Variants in CADM2 observed in about 807,000 individuals in gnomAD.
CADM2 encodes the protein cell adhesion molecule 2.
Under a neutral mutation model 49.8 loss-of-function variants are expected in CADM2, and 12 were observed. That is an observed-to-expected ratio of 0.24 (90% CI 0.15 to 0.39). The LOEUF (loss-of-function observed/expected upper bound fraction) is 0.39, where lower values mean the gene tolerates loss of function less well. Ranked by LOEUF, CADM2 falls within the 10% of genes least tolerant of loss-of-function variation. The pLI, the probability that CADM2 is intolerant of heterozygous loss-of-function variation, is 1.00. For missense variants in CADM2, 378 were observed against 492.3 expected (o/e 0.77, Z 2.20); for synonymous variants, 214 against 175.4 (o/e 1.22, Z -1.74).
intron 1 of CADM2, among the ~76,000 whole-genome samples, chr3:85,620,496 T>C (rs933375108): frequency 2.0e-5 from 3 of 152,010 alleles, no homozygotes; most frequent in Non-Finnish European, 2.9e-5. Flanking sequence ...ATTTCCATTA[T>C]AAAATGGAAC....
chr3:85,497,799 A>G lies in CADM2; in HGVS notation c.62-228723A>G, dbSNP rs922420481. Among the ~76,000 whole-genome samples, 11 of 152,210 alleles carry G rather than the reference A, an allele frequency of 7.2e-5. No homozygotes were observed. The East Asian group carries it at 1.5e-3, about 21-fold the overall frequency. On this transcript the variant is annotated intron_variant, in intron 1 of 9. Coordinates refer to ENST00000383699, the MANE Select transcript of CADM2 (RefSeq NM_001167675.2). ...CCAAGATAATTGGCCTTCAAATGTCATCTTTTCTAAAGCTATCTATCTGTC... is the reference window on the plus strand; with the variant it reads ...CCAAGATAATTGGCCTTCAAATGTCGTCTTTTCTAAAGCTATCTATCTGTC...
intron 1 of CADM2, among the ~76,000 whole-genome samples, chr3:85,504,778 G>A (rs2040256943): frequency 6.6e-6 from 1 of 152,194 alleles, no homozygotes; most frequent in Non-Finnish European, 1.5e-5. Flanking sequence ...GGAGGGGGTG[G>A]GAGGCTCAGG....
intron 1 of CADM2, among the ~76,000 whole-genome samples, chr3:85,337,129 C>A (rs1337937076): frequency 2.7e-5 from 4 of 148,150 alleles, no homozygotes; most frequent in Admixed American, 1.4e-4. Flanking sequence ...CATCCCCAAC[C>A]TTATGCTGGC....
intron 1 of CADM2, among the ~76,000 whole-genome samples, chr3:85,481,756 G>T (rs901711513): frequency 1.3e-5 from 2 of 150,880 alleles, no homozygotes; most frequent in Non-Finnish European, 3.0e-5. Context: ...GTCAGCACAA[G>T]ATACCAATCA....
chr3:85,593,884 C>G (rs1167052286), intron 1 of CADM2, among the ~76,000 whole-genome samples: 1 of 151,624 alleles, frequency 6.6e-6, no homozygotes, highest in African/African-American at 2.4e-5. Context: ...GATGGAGGCA[C>G]AACTGCAGAA....
intron 1 of CADM2, among the ~76,000 whole-genome samples, chr3:85,662,924 A>G (rs925359195): frequency 6.6e-6 from 1 of 152,070 alleles, no homozygotes; most frequent in African/African-American, 2.4e-5. Context: ...CAAAATTTTA[A>G]TAGTTGCCTA....
At chr3:85,921,483 A>T (rs2108504408) in intron 6 of CADM2, among the ~76,000 whole-genome samples, 1 of 152,090 alleles carries the variant, frequency 6.6e-6, no homozygotes, top group Non-Finnish European at 1.5e-5. Context: ...GTGTTTTTTT[A>T]AATAATATAC....
At chr3:85,702,376 C>G (rs1039161732) in intron 1 of CADM2, among the ~76,000 whole-genome samples, 1 of 151,996 alleles carries the variant, frequency 6.6e-6, no homozygotes, top group Non-Finnish European at 1.5e-5. Flanking sequence ...TTCAGCTCCT[C>G]TCTGTCATTC....
intron 2 of CADM2, among the ~76,000 whole-genome samples, chr3:85,761,451 G>A (rs545345767): frequency 2.1e-4 from 29 of 137,418 alleles, no homozygotes; most frequent in Admixed American, 1.7e-3. Context: ...ATCTCGGCTC[G>A]CTGCAACCTG....
chr3:85,402,901 C>A (rs866417299), intron 1 of CADM2, among the ~76,000 whole-genome samples: 12 of 152,126 alleles, frequency 7.9e-5, no homozygotes, highest in Middle Eastern at 6.8e-3. Flanking sequence ...AAATTGATAT[C>A]TTGTGTGATG....
At chr3:85,758,280 G>A (rs2069211993) in intron 2 of CADM2, among the ~76,000 whole-genome samples, 1 of 152,042 alleles carries the variant, frequency 6.6e-6, no homozygotes, top group Middle Eastern at 3.2e-3. Flanking sequence ...TTTAGCATTG[G>A]ACATCTAGAT....
At chr3:85,504,460 T>C (rs2040238052) in intron 1 of CADM2, among the ~76,000 whole-genome samples, 1 of 152,194 alleles carries the variant, frequency 6.6e-6, no homozygotes, top group East Asian at 1.9e-4. Flanking sequence ...GGCAGCCTGC[T>C]GTTATTCTCT....
At chr3:85,825,046 A>C (rs572403355) in intron 3 of CADM2, among the ~76,000 whole-genome samples, 1 of 152,126 alleles carries the variant, frequency 6.6e-6, no homozygotes, top group East Asian at 1.9e-4. Context: ...AACAGAGAAT[A>C]ATGAATTTTG....
chr3:85,559,281 A>T (rs967159960), intron 1 of CADM2, among the ~76,000 whole-genome samples: 8 of 152,212 alleles, frequency 5.3e-5, no homozygotes. Flanking sequence ...AATATACAAT[A>T]GGAATTAATT....
intron 1 of CADM2, among the ~76,000 whole-genome samples, chr3:85,389,539 A>G (rs1210169347): frequency 6.6e-6 from 1 of 152,014 alleles, no homozygotes; most frequent in Non-Finnish European, 1.5e-5. Flanking sequence ...TAAATATTTG[A>G]TATATACCAT....
chr3:85,218,356 A>G (rs1161916696), intron 1 of CADM2, among the ~76,000 whole-genome samples: 14 of 152,174 alleles, frequency 9.2e-5, no homozygotes, highest in Admixed American at 9.2e-4. Context: ...AGACCAAGCT[A>G]TAGTGATGCA....
chr3:85,899,110 C>A (rs1250651780), intron 5 of CADM2, among the ~76,000 whole-genome samples: 1 of 150,458 alleles, frequency 6.6e-6, no homozygotes, highest in East Asian at 2.0e-4. Context: ...GGATTACAGG[C>A]GTGCACCAAC....
intron 1 of CADM2, among the ~76,000 whole-genome samples, chr3:84,975,282 A>G (rs1005295415): frequency 4.1e-4 from 63 of 151,880 alleles, no homozygotes; most frequent in African/African-American, 1.5e-3. Context: ...TATTTAGTAC[A>G]CTGGTATCTC....
intron 1 of CADM2, among the ~76,000 whole-genome samples, chr3:85,410,807 G>T (rs1247443427): frequency 6.6e-6 from 1 of 152,140 alleles, no homozygotes; most frequent in Non-Finnish European, 1.5e-5. Flanking sequence ...GTGTGCAGGA[G>T]AATTATAATG....
Sources: gnomAD v4.1 joint callset for allele counts (sites outside exome capture counted in the v4.1 genomes callset) on GRCh38, gnomAD v4.1.1 for gene constraint, MANE v1.5 for transcripts, NCBI Gene and HGNC (gene_info 2026-07-23, HGNC 2026-07-21) for gene names.